Variants in ZNF280D observed in about 807,000 individuals in gnomAD.
ZNF280D encodes suppressor of hairy wing homolog 4.
Under a neutral mutation model 94.7 loss-of-function variants are expected in ZNF280D, and 39 were observed. That is an observed-to-expected ratio of 0.41 (90% CI 0.32 to 0.54). The LOEUF (loss-of-function observed/expected upper bound fraction) is 0.54. ZNF280D is among the 20% of genes least tolerant of loss of function. The probability of loss-of-function intolerance (pLI) is 0.22; values close to 1 mark genes in which losing one functional copy is unlikely to be tolerated. For synonymous variants in ZNF280D, 398 were observed against 377.6 expected, an observed-to-expected ratio of 1.05 and a Z score of -0.63; for missense variants, 1,090 against 1,149.3, an observed-to-expected ratio of 0.95 and a Z score of 0.75.
intron 21 of ZNF280D, 40 bp downstream of exon 21, chr15:56,635,155 T>C (rs763688869): frequency 1.9e-5 from 24 of 1,274,092 alleles, no homozygotes; most frequent in African/African-American, 3.1e-5. Flanking sequence ...TTATTTTGTA[T>C]ACTTGAATTT....
chr15:56,645,790 A>C (rs1354576874), intron 19 of ZNF280D, among the ~76,000 whole-genome samples: 12 of 151,988 alleles, frequency 7.9e-5, no homozygotes, highest in Non-Finnish European at 1.8e-4. Context: ...CAGGTGATCC[A>C]CCTGCCTCGG....
At chr15:56,707,217 T>A (rs778681411) in intron 2 of ZNF280D, 46 bp downstream of exon 2, 1 of 1,596,986 alleles carries the variant, frequency 6.3e-7, no homozygotes, top group Non-Finnish European at 8.5e-7. Flanking sequence ...AACATGAAAC[T>A]TGGGATTCAC....
chr15:56,714,030 G>A (rs2057910300), intron 1 of ZNF280D, among the ~76,000 whole-genome samples: 1 of 152,136 alleles, frequency 6.6e-6, no homozygotes, highest in African/African-American at 2.4e-5. Flanking sequence ...ATTTTATAAG[G>A]AAATTAGCTT....
At chr15:56,668,091 G>T (rs1240242353) in intron 14 of ZNF280D, 2 of 449,774 alleles carry the variant, frequency 4.4e-6, no homozygotes, top group African/African-American at 2.0e-5. Flanking sequence ...TTCAGAGCAT[G>T]GCTTTATATT....
intron 1 of ZNF280D, chr15:56,730,104 G>C (rs1052662078): frequency 6.6e-6 from 1 of 152,056 alleles, no homozygotes; most frequent in African/African-American, 2.4e-5. Flanking sequence ...CCAGATGATA[G>C]TGATAATTGT....
intron 14 of ZNF280D, among the ~76,000 whole-genome samples, chr15:56,667,370 G>T (rs1189743869): frequency 6.6e-6 from 1 of 151,944 alleles, no homozygotes; most frequent in East Asian, 1.9e-4. Context: ...TTCTAGAAAG[G>T]CCTAAATTAC....
intron 21 of ZNF280D, among the ~76,000 whole-genome samples, chr15:56,634,512 T>C (rs1277208970): frequency 1.3e-5 from 2 of 152,140 alleles, no homozygotes; most frequent in African/African-American, 2.4e-5. Flanking sequence ...AACACCTTCA[T>C]AGGAACTTAA....
At chr15:56,672,208 A>G (rs2054912892) in intron 13 of ZNF280D, among the ~76,000 whole-genome samples, 2 of 152,144 alleles carry the variant, frequency 1.3e-5, no homozygotes, top group African/African-American at 4.8e-5. Flanking sequence ...CAGAACTTCC[A>G]GTACTATGTT....
At chr15:56,665,666 G>A (rs2054236140) in intron 16 of ZNF280D, among the ~76,000 whole-genome samples, 1 of 122,984 alleles carries the variant, frequency 8.1e-6, no homozygotes, top group African/African-American at 3.0e-5. Context: ...AGAGGATGAC[G>A]CCACTACAGC....
chr15:56,631,884 T>TC lies in ZNF280D; in HGVS notation c.2553dup (p.Lys852GlufsTer13). On this transcript the variant is annotated frameshift_variant, in exon 22 of 22. Coordinates refer to ENST00000267807, the MANE Select transcript of ZNF280D (RefSeq NM_017661.4). LOFTEE classifies it low-confidence loss of function (END_TRUNC). ...ATGTTTTCTGAACTTTGGCACATCT[T>TC]CAACTCCATTTCCTGACAAACGTGT... 1 of 1,613,784 alleles carries TC rather than the reference T, an allele frequency of 6.2e-7. No individual in the cohort carries two copies. The highest frequency in any genetic ancestry group is 1.1e-5 in the South Asian group (1 of 91,084).
chr15:56,665,688 A>G (rs2054238892), intron 16 of ZNF280D, among the ~76,000 whole-genome samples: 1 of 128,630 alleles, frequency 7.8e-6, no homozygotes, highest in African/African-American at 2.7e-5. Context: ...TGGGCGACAC[A>G]GCGAGACTCC....
Position 56,689,033 on chromosome 15 carries a change from A to C in ZNF280D, c.780+8T>G. ...CTTTTTACAAATTAAATTTTGAAAG[A>C]GTTTTACCTTCATGTGATTTTTCAA... On this transcript the variant is annotated splice_region_variant and intron_variant, in intron 9 of 21. Transcript: ENST00000267807. The C allele has an allele frequency of 6.4e-7, 1 of 1,570,090 alleles. No individual in the cohort carries two copies.
chr15:56,636,406 C>G (rs2052352026), intron 20 of ZNF280D, among the ~76,000 whole-genome samples: 1 of 151,892 alleles, frequency 6.6e-6, no homozygotes, highest in Non-Finnish European at 1.5e-5. Flanking sequence ...AATCTAAATG[C>G]TCCTTCCCCG....
intron 1 of ZNF280D, among the ~76,000 whole-genome samples, chr15:56,719,404 A>T (rs547611523): frequency 6.6e-6 from 1 of 151,674 alleles, no homozygotes; most frequent in Admixed American, 6.6e-5. Flanking sequence ...CCTCTCTTTC[A>T]CCTTATAAAT....
intron 19 of ZNF280D, among the ~76,000 whole-genome samples, chr15:56,646,831 C>T (rs191861696): frequency 9.1e-4 from 139 of 152,150 alleles, no homozygotes; most frequent in Admixed American, 1.9e-3. Flanking sequence ...GAAGATACTA[C>T]AGTGAACTTG....
At chr15:56,676,542 T>G in intron 13 of ZNF280D, 128 bp downstream of exon 13, 5 of 695,660 alleles carry the variant, frequency 7.2e-6, no homozygotes, top group Non-Finnish European at 1.1e-5. Context: ...CAACTTGAAG[T>G]GTAAATTAAT....
chr15:56,636,971 A>G (rs1251285107), intron 20 of ZNF280D, among the ~76,000 whole-genome samples: 1 of 152,074 alleles, frequency 6.6e-6, no homozygotes, highest in African/African-American at 2.4e-5. Context: ...AACACCAGGA[A>G]AAGTAAAAGG....
chr15:56,639,401 G>A (rs1423095636), intron 20 of ZNF280D, among the ~76,000 whole-genome samples: 2 of 151,552 alleles, frequency 1.3e-5, no homozygotes, highest in African/African-American at 4.8e-5. Flanking sequence ...ATTTACCACA[G>A]AAATGAAACA....
chr15:56,707,928 G>A (rs1169010479), intron 1 of ZNF280D, among the ~76,000 whole-genome samples: 6 of 151,736 alleles, frequency 4.0e-5, no homozygotes, highest in Non-Finnish European at 5.9e-5. Context: ...CTTTAAAAAT[G>A]CTGTTAGAAT....
Sources: allele counts gnomAD v4.1 joint callset (sites outside exome capture counted in the v4.1 genomes callset), GRCh38; gene constraint gnomAD v4.1.1; transcripts MANE v1.5; gene names NCBI Gene and HGNC (gene_info 2026-07-23, HGNC 2026-07-21).